Variants in ASXL3 observed in about 807,000 individuals in gnomAD.
The protein encoded by ASXL3 is ASXL transcriptional regulator 3.
In ASXL3, 34 loss-of-function variants were observed where a neutral mutation model predicts 170.6. That is an observed-to-expected ratio of 0.20 (90% CI 0.15 to 0.27). ASXL3 has a LOEUF of 0.27. ASXL3 is among the 10% of genes least tolerant of loss of function. The probability of loss-of-function intolerance (pLI) is 1.00; values close to 1 mark genes in which losing one functional copy is unlikely to be tolerated. For missense variants in ASXL3, 2,592 were observed against 2,695.3 expected (o/e 0.96, Z 0.85); for synonymous variants, 1,002 against 989.1 (o/e 1.01, Z -0.24).
At chr18:33,737,480 A>G (rs1338263498) in intron 10 of ASXL3, among the ~76,000 whole-genome samples, 2 of 152,116 alleles carry the variant, frequency 1.3e-5, no homozygotes, top group South Asian at 2.1e-4. Flanking sequence ...GACAGTGTAA[A>G]TTATATGATA....
chr18:33,596,569 T>C (rs1422565276), intron 1 of ASXL3, among the ~76,000 whole-genome samples: 1 of 152,212 alleles, frequency 6.6e-6, no homozygotes, highest in Non-Finnish European at 1.5e-5. Context: ...ACAACTAATT[T>C]CTTCTGGCAG....
At chr18:33,663,934 CAT>C (rs78031625) in intron 5 of ASXL3, among the ~76,000 whole-genome samples, 1 of 151,528 alleles carries the variant, frequency 6.6e-6, no homozygotes, top group South Asian at 2.1e-4. Flanking sequence ...GTATTAAATA[CAT>C]ATATATATAT....
intron 8 of ASXL3, among the ~76,000 whole-genome samples, chr18:33,719,224 C>T (rs1050731288): frequency 3.9e-5 from 6 of 152,010 alleles, no homozygotes; most frequent in Non-Finnish European, 7.4e-5. Flanking sequence ...CCTCCCTTTT[C>T]GGAGCTGTGG....
intron 2 of ASXL3, among the ~76,000 whole-genome samples, chr18:33,619,742 C>T (rs1025075178): frequency 6.6e-6 from 1 of 151,992 alleles, no homozygotes; most frequent in Non-Finnish European, 1.5e-5. Flanking sequence ...ACCTACTAGT[C>T]AAATCATAAT....
rs757280482 is a variant in ASXL3, at chr18:33,738,878, A to C, written c.1474A>C (p.Ile492Leu). The change falls in exon 11 of 12, where the codon ATA (isoleucine) becomes CTA (leucine). Residue 492 changes from isoleucine to leucine, a missense_variant. Physicochemically the swap from Ile to Leu is conservative, Grantham distance 5. Coordinates refer to ENST00000269197, the MANE Select transcript of ASXL3 (RefSeq NM_030632.3). Reference protein sequence around the residue: ...SLTNSHEEPQIAPPEDNLESC... With the variant: ...SLTNSHEEPQLAPPEDNLESC... ...AACCAATTCTCATGAAGAACCCCAAATAGCACCTCCTGAAGATAACTTGGA... is the reference window on the plus strand; with the variant it reads ...AACCAATTCTCATGAAGAACCCCAACTAGCACCTCCTGAAGATAACTTGGA... The C allele has an allele frequency of 3.8e-5, 62 of 1,613,488 alleles. No individual in the cohort carries two copies. The highest frequency in any genetic ancestry group is 4.5e-5 in the Non-Finnish European group (53 of 1,179,808).
intron 9 of ASXL3, among the ~76,000 whole-genome samples, chr18:33,733,208 C>G (rs755820491): frequency 6.6e-6 from 1 of 152,100 alleles, no homozygotes; most frequent in African/African-American, 2.4e-5. Flanking sequence ...GCCTAATCCC[C>G]CTACTCCTTC....
chr18:33,686,417 A>G (rs1210363783), intron 8 of ASXL3, among the ~76,000 whole-genome samples: 3 of 152,222 alleles, frequency 2.0e-5, no homozygotes. Flanking sequence ...GTCATAATAG[A>G]AGTATGAAGA....
At chr18:33,732,376 C>T (rs567764920) in intron 9 of ASXL3, among the ~76,000 whole-genome samples, 1 of 152,192 alleles carries the variant, frequency 6.6e-6, no homozygotes, top group South Asian at 2.1e-4. Context: ...CATCCTGGCA[C>T]CTAAAGAAAC....
At chr18:33,623,064 A>G (rs970163703) in intron 2 of ASXL3, among the ~76,000 whole-genome samples, 4 of 152,174 alleles carry the variant, frequency 2.6e-5, no homozygotes, top group African/African-American at 9.6e-5. Flanking sequence ...CTCTCTGACA[A>G]TGCTGAGCCT....
Position 33,744,863 on chromosome 18 carries a change from T to C in ASXL3, c.5015T>C (p.Leu1672Pro), listed in dbSNP as rs772931161. Residue 1672 changes from leucine (L) to proline (P), a missense_variant, in exon 12 of 12, where the codon CTT (leucine) becomes CCT (proline). By Grantham distance (98) the Leu-to-Pro change is moderately conservative (BLOSUM62 -3). Transcript: ENST00000269197. ...TNVALPVKSE[L>P]HEADKGFRMD... ...GTTGCTCTTCCTGTGAAATCTGAACTTCACGAAGCAGACAAGGGCTTTAGA... is the reference window on the plus strand; with the variant it reads ...GTTGCTCTTCCTGTGAAATCTGAACCTCACGAAGCAGACAAGGGCTTTAGA... The C allele has an allele frequency of 2.8e-5, 45 of 1,613,948 alleles. No individual in the cohort carries two copies. The highest frequency in any genetic ancestry group is 8.3e-5 in the Admixed American group (5 of 60,012).
At chr18:33,729,194 A>G (rs1021635437) in intron 8 of ASXL3, among the ~76,000 whole-genome samples, 1 of 152,176 alleles carries the variant, frequency 6.6e-6, no homozygotes, top group Admixed American at 6.5e-5. Flanking sequence ...GAGACAGGGA[A>G]GAGAGAAGCC....
intron 1 of ASXL3, among the ~76,000 whole-genome samples, chr18:33,584,001 C>A (rs1410659348): frequency 6.6e-6 from 1 of 152,076 alleles, no homozygotes; most frequent in Admixed American, 6.6e-5. Context: ...TGAGCTGACA[C>A]CATCTGTAGG....
At chr18:33,713,252 T>G (rs1046385377) in intron 8 of ASXL3, among the ~76,000 whole-genome samples, 6 of 100,840 alleles carry the variant, frequency 6.0e-5, no homozygotes, top group Admixed American at 1.0e-4. Context: ...TGTTTTGTTT[T>G]TTTTTTTTTT....
At chr18:33,605,313 ATGTTT>A (rs1418478223) in intron 1 of ASXL3, 1 of 152,020 alleles carries the variant, frequency 6.6e-6, no homozygotes, top group African/African-American at 2.4e-5. Context: ...GATGGCATCA[ATGTTT>A]TGTTCTGTGA....
intron 4 of ASXL3, among the ~76,000 whole-genome samples, chr18:33,654,443 C>T (rs1431524675): frequency 6.6e-6 from 1 of 152,064 alleles, no homozygotes; most frequent in African/African-American, 2.4e-5. Context: ...ATAAGCATTT[C>T]TCAAACTGCC....
chr18:33,734,704 G>A (rs553045713), intron 10 of ASXL3, among the ~76,000 whole-genome samples: 1 of 152,236 alleles, frequency 6.6e-6, no homozygotes, highest in Admixed American at 6.5e-5. Context: ...ATAGATTTGA[G>A]TAAAATTATC....
chr18:33,739,074 A>C lies in ASXL3; in HGVS notation c.1670A>C (p.Glu557Ala). 2 of 1,613,322 alleles carry C rather than the reference A, an allele frequency of 1.2e-6. No individual in the cohort carries two copies. The highest frequency in any genetic ancestry group is 1.7e-6 in the Non-Finnish European group (2 of 1,179,672). The change falls in exon 11 of 12, where the codon GAA (glutamate) becomes GCA (alanine). Residue 557 changes from glutamate (E) to alanine (A), a missense_variant. By Grantham distance (107) the Glu-to-Ala change is moderately radical. Around this residue, in one of 4 missense-constraint regions of ASXL3, gnomAD observed 2,246 missense variants for 2,219.6 expected, o/e 1.01. Coordinates refer to ENST00000269197, the MANE Select transcript of ASXL3 (RefSeq NM_030632.3). ...TCTATGACTCATGTCAGTGACACAG[A>C]ACATAAGGAGTCAGAAACTGCAGTA... ...TSSMTHVSDT[E>A]HKESETAVET... is the part of the protein sequence containing the mutation.
intron 2 of ASXL3, among the ~76,000 whole-genome samples, chr18:33,612,534 T>C (rs1322387824): frequency 6.6e-6 from 1 of 152,068 alleles, no homozygotes; most frequent in Non-Finnish European, 1.5e-5. Context: ...CTCTGGAATT[T>C]ATTTTTACCT....
intron 10 of ASXL3, among the ~76,000 whole-genome samples, chr18:33,737,139 C>A (rs1419586608): frequency 6.6e-6 from 1 of 152,038 alleles, no homozygotes; most frequent in Non-Finnish European, 1.5e-5. Context: ...TTGAATTCAT[C>A]TTAGAGAACA....
Sources: gnomAD v4.1 joint callset for allele counts (sites outside exome capture counted in the v4.1 genomes callset) on GRCh38, gnomAD v4.1.1 for gene constraint, gnomAD v4.1.1 regional missense constraint, MANE v1.5 for transcripts, NCBI Gene and HGNC (gene_info 2026-07-23, HGNC 2026-07-21) for gene names.